Variants in WDR76 observed in about 807,000 individuals in gnomAD.
WDR76 encodes WD repeat domain 76.
In WDR76, 52 loss-of-function variants were observed where a neutral mutation model predicts 70.2. The ratio of observed to expected loss-of-function variants is 0.74; its 90% CI spans 0.59 to 0.93. The LOEUF (loss-of-function observed/expected upper bound fraction) is 0.93, where lower values mean the gene tolerates loss of function less well. Among genes scored for constraint, WDR76 ranks in the 40% least tolerant of loss-of-function variants. WDR76 has a pLI of 0.00. For synonymous variants in WDR76, 292 were observed against 271.1 expected (o/e 1.08, Z -0.76); for missense variants, 756 against 760.2 (o/e 0.99, Z 0.07).
At position 43,858,676 on chromosome 15, in the gene WDR76, C is replaced by T. The variant is rs2087960331; in HGVS notation, c.1415C>T (p.Thr472Ile). 6.2e-7 allele frequency: 1 copy of T among 1,613,648 alleles called. No individual in the cohort carries two copies. The highest frequency in any genetic ancestry group is 1.3e-5 in the African/African-American group (1 of 74,904). ...QYFITAGLRD[T>I]HIYDARRLNS... ...CATTGTTTCTCCCATTACAGGGATA[C>T]TCATATTTATGATGCAAGGCGATTG... Residue 472 changes from threonine to isoleucine, a missense_variant, in exon 11 of 13, where the codon ACT becomes ATT. Physicochemically the swap from Thr to Ile is moderately conservative, Grantham distance 89. Transcript: ENST00000263795.
Position 43,866,949 on chromosome 15 carries a change from AG to A in WDR76, c.*558del, listed in dbSNP as rs202240671. On this transcript the variant is annotated 3_prime_UTR_variant, in exon 13 of 13. Coordinates refer to ENST00000263795, the MANE Select transcript of WDR76 (RefSeq NM_024908.4). ...GGCCATCAGAACTTGTAATCAAGAC[AG>A]TATGTTGAGAAATTCTAACATTATA... is the stretch of plus-strand genomic sequence containing the variant. The A allele has an allele frequency of 6.6e-3, 1,012 of 153,046 alleles. 18 individuals are homozygous for A. The highest frequency in any genetic ancestry group is 0.041 in the East Asian group (214 of 5,192). 9.5% of individuals were successfully genotyped at this position (153,046 alleles called of 1,614,324 possible). A position where few individuals can be genotyped will look rare whatever the true frequency, so the allele number is the denominator to read the frequency against.
chr15:43,839,919 A>C (rs1235692302), intron 5 of WDR76, among the ~76,000 whole-genome samples, 191 bp downstream of exon 5: 1 of 152,038 alleles, frequency 6.6e-6, no homozygotes, highest in Non-Finnish European at 1.5e-5. Context: ...GTGCAGTGGC[A>C]TGATCTTGCC....
chr15:43,864,651 G>A (rs2088047078), intron 12 of WDR76, among the ~76,000 whole-genome samples: 1 of 151,844 alleles, frequency 6.6e-6, no homozygotes, highest in South Asian at 2.1e-4. Context: ...CTGGAGTGCA[G>A]TGGCATGATC....
chr15:43,862,106 G>T (rs897029292), intron 12 of WDR76, among the ~76,000 whole-genome samples: 1 of 151,922 alleles, frequency 6.6e-6, no homozygotes, highest in Non-Finnish European at 1.5e-5. Flanking sequence ...AAAGTGCTGG[G>T]ATTACAGGCG....
intron 12 of WDR76, among the ~76,000 whole-genome samples, chr15:43,862,714 T>A (rs767620252): frequency 2.6e-5 from 4 of 151,892 alleles, no homozygotes; most frequent in Non-Finnish European, 4.4e-5. Flanking sequence ...TTCACTGTGT[T>A]AGCCAGGATG....
intron 1 of WDR76, among the ~76,000 whole-genome samples, chr15:43,827,529 C>T (rs901063985): frequency 3.3e-5 from 5 of 152,000 alleles, no homozygotes; most frequent in African/African-American, 9.7e-5. Context: ...AGTTTTCTTA[C>T]GAAGGGTGTC....
chr15:43,850,648 C>T (rs1423790033), intron 8 of WDR76, among the ~76,000 whole-genome samples: 1 of 151,916 alleles, frequency 6.6e-6, no homozygotes, highest in Non-Finnish European at 1.5e-5. Context: ...TATCTTTGTC[C>T]CAGGACCAAA....
chr15:43,844,072 T>A lies in WDR76; in HGVS notation c.1032+18T>A. 6.2e-7 allele frequency: 1 copy of A among 1,611,188 alleles called. No homozygotes were observed. The highest frequency in any genetic ancestry group is 8.5e-7 in the Non-Finnish European group (1 of 1,178,610). On this transcript the variant is annotated intron_variant, in intron 8 of 12. Transcript: ENST00000263795. Reference sequence around the variant, plus strand: ...GTGATTTGGTAAGTTATTAAATTTCTTGAATATATTATAGTTTGACTAAAG... The same window carrying A: ...GTGATTTGGTAAGTTATTAAATTTCATGAATATATTATAGTTTGACTAAAG...
chr15:43,843,117 G>A (rs2087747501), intron 7 of WDR76, among the ~76,000 whole-genome samples: 1 of 146,208 alleles, frequency 6.8e-6, no homozygotes. Context: ...TTCGCTTCCT[G>A]GGCTCAAATG....
chr15:43,836,868 TAAAA>T (rs779650391), intron 4 of WDR76, among the ~76,000 whole-genome samples: 1 of 129,128 alleles, frequency 7.7e-6, no homozygotes, highest in African/African-American at 2.9e-5. Flanking sequence ...CCATCGCTAC[TAAAA>T]AAAAAAAAAA....
chr15:43,832,295 T>A (rs1297319662), intron 2 of WDR76, among the ~76,000 whole-genome samples: 1 of 152,008 alleles, frequency 6.6e-6, no homozygotes, highest in Non-Finnish European at 1.5e-5. Context: ...CTTGGGAGGC[T>A]AAGGCTGGAG....
intron 7 of WDR76, 45 bp from the exon 8 acceptor site, chr15:43,843,856 T>G: frequency 2.0e-6 from 3 of 1,480,112 alleles, no homozygotes; most frequent in Non-Finnish European, 2.7e-6. Flanking sequence ...TTTTGACTAT[T>G]GAGATTGGTT....
chr15:43,827,410 CATT>C (rs1339910058), intron 1 of WDR76, among the ~76,000 whole-genome samples: 9 of 152,120 alleles, frequency 5.9e-5, no homozygotes, highest in East Asian at 1.9e-4. Context: ...AAATGCTAGT[CATT>C]ATTATTATTG....
At chr15:43,839,769 TACTG>T (rs2087701711) in intron 5 of WDR76, 41 bp downstream of exon 5, 1 of 1,540,970 alleles carries the variant, frequency 6.5e-7, no homozygotes. Context: ...TGTAATAAAA[TACTG>T]AAAAATTTGA....
Position 43,842,633 on chromosome 15 carries a change from T to C in WDR76, c.840T>C (p.Ser280=). The change falls in exon 7 of 13, where the codon AGT becomes AGC. Residue 280 remains serine (S), a synonymous_variant. Coordinates refer to ENST00000263795, the MANE Select transcript of WDR76 (RefSeq NM_024908.4). ...CATCTCTCCCAATGTTTCAGCCAAG[T>C]AGTAAGAACACTGAGAAGGGATTAT... ...LHTWAGMSKP[S]SKNTEKGLSS... 1.2e-6 allele frequency: 2 copies of C among 1,609,968 alleles called. No individual in the cohort carries two copies. Among genetic ancestry groups the C allele is most frequent in the Admixed American group, 1.7e-5 (1 of 59,840 alleles).
At chr15:43,832,743 G>GT (rs201304087) in intron 2 of WDR76, among the ~76,000 whole-genome samples, 7,652 of 67,934 alleles carry the variant, frequency 0.11, 2,813 homozygotes, top group Middle Eastern at 0.18. Flanking sequence ...GGCTTGCTTT[G>GT]TTTTTTTTTT....
chr15:43,842,914 A>T (rs2087743684), intron 7 of WDR76, among the ~76,000 whole-genome samples: 1 of 152,188 alleles, frequency 6.6e-6, no homozygotes, highest in Non-Finnish European at 1.5e-5. Context: ...TGCCTGGCAC[A>T]TAATATATGT....
Position 43,843,985 on chromosome 15 carries a change from C to T in WDR76, c.963C>T (p.Leu321=). The change falls in exon 8 of 13, where the codon CTC becomes CTT. Residue 321 remains leucine, a synonymous_variant. Coordinates refer to ENST00000263795, the MANE Select transcript of WDR76 (RefSeq NM_024908.4). ...VTTGPIFSMA[L]HPSETRTLVA... The stretch of plus-strand genomic sequence containing the variant: ...CAGGCCCAATATTCTCTATGGCTCT[C>T]CATCCATCAGAAACTAGAACTTTGG... 1 of 1,613,930 alleles carries T rather than the reference C, an allele frequency of 6.2e-7. No individual in the cohort carries two copies. The highest frequency in any genetic ancestry group is 8.5e-7 in the Non-Finnish European group (1 of 1,179,916).
chr15:43,834,484 G>A (rs80079257), intron 2 of WDR76, among the ~76,000 whole-genome samples: 52 of 105,800 alleles, frequency 4.9e-4, no homozygotes, highest in African/African-American at 1.7e-3. Flanking sequence ...TTTTTTTTTT[G>A]TATTTTTAGT....
Sources: allele counts gnomAD v4.1 joint callset (sites outside exome capture counted in the v4.1 genomes callset), GRCh38; gene constraint gnomAD v4.1.1; transcripts MANE v1.5; gene names NCBI Gene and HGNC (gene_info 2026-07-23, HGNC 2026-07-21).